CNTN4: variants seen among roughly 807,000 people sequenced by gnomAD.
CNTN4 encodes contactin 4, also known as contactin-4.
A neutral mutation model predicts 122.5 loss-of-function variants in CNTN4; 77 were observed. The observed-to-expected ratio is 0.63, with a 90% CI of 0.52 to 0.76. The LOEUF is 0.76. Among genes scored for constraint, CNTN4 ranks in the 30% least tolerant of loss-of-function variants. The pLI, the probability that CNTN4 is intolerant of heterozygous loss-of-function variation, is 0.00. For synonymous variants in CNTN4, 512 were observed against 447.0 expected, an observed-to-expected ratio of 1.15 and a Z score of -1.83; for missense variants, 1,256 against 1,259.1, an observed-to-expected ratio of 1.00 and a Z score of 0.04.
chr3:2,463,848 T>A (rs2075404453), intron 3 of CNTN4, among the ~76,000 whole-genome samples: 1 of 152,224 alleles, frequency 6.6e-6, no homozygotes, highest in African/African-American at 2.4e-5. Context: ...TTGTGTCTGG[T>A]ACTACGGTAT....
chr3:2,430,486 G>A (rs2048026860), intron 3 of CNTN4, among the ~76,000 whole-genome samples: 1 of 150,958 alleles, frequency 6.6e-6, no homozygotes, highest in Admixed American at 6.6e-5. Context: ...TACACTGGGA[G>A]CTGTAGGCTG....
intron 7 of CNTN4, among the ~76,000 whole-genome samples, chr3:2,851,266 CT>C (rs2093545800): frequency 6.6e-6 from 1 of 152,190 alleles, no homozygotes; most frequent in African/African-American, 2.4e-5. Context: ...ATTTGACAGA[CT>C]TTTGCATTTT....
intron 6 of CNTN4, among the ~76,000 whole-genome samples, chr3:2,800,015 A>G (rs1029884969): frequency 3.4e-5 from 5 of 148,408 alleles, no homozygotes; most frequent in Non-Finnish European, 7.4e-5. Flanking sequence ...TACCAGTTCC[A>G]TGCTGTTTTG....
intron 2 of CNTN4, among the ~76,000 whole-genome samples, chr3:2,215,348 T>G (rs1007529506): frequency 6.6e-6 from 1 of 152,240 alleles, no homozygotes; most frequent in Non-Finnish European, 1.5e-5. Context: ...CACTATTTTC[T>G]GACTGCACCA....
intron 4 of CNTN4, among the ~76,000 whole-genome samples, chr3:2,664,684 T>A (rs1243208209): frequency 1.3e-5 from 2 of 152,136 alleles, no homozygotes; most frequent in East Asian, 1.9e-4. Flanking sequence ...ACATCTGAGG[T>A]ATTCTCCAGG....
At chr3:2,812,057 C>G (rs1044830913) in intron 6 of CNTN4, among the ~76,000 whole-genome samples, 2 of 152,132 alleles carry the variant, frequency 1.3e-5, no homozygotes, top group African/African-American at 2.4e-5. Flanking sequence ...TCCTCACTTA[C>G]AAGTCGGAGC....
intron 6 of CNTN4, among the ~76,000 whole-genome samples, chr3:2,815,164 G>A (rs550650593): frequency 6.6e-6 from 1 of 152,284 alleles, no homozygotes; most frequent in South Asian, 2.1e-4. Flanking sequence ...AACCCTTCTG[G>A]ACATTGGCTT....
At chr3:2,138,407 G>A (rs1022047082) in intron 2 of CNTN4, among the ~76,000 whole-genome samples, 3 of 152,128 alleles carry the variant, frequency 2.0e-5, no homozygotes, top group Non-Finnish European at 4.4e-5. Context: ...CTAAAAACAG[G>A]AAGAAGTTTC....
At chr3:2,718,050 G>C (rs1462970920) in intron 4 of CNTN4, among the ~76,000 whole-genome samples, 1 of 151,722 alleles carries the variant, frequency 6.6e-6, no homozygotes, top group African/African-American at 2.4e-5. Context: ...CTTTTCATAT[G>C]TTGAATACTA....
intron 13 of CNTN4, among the ~76,000 whole-genome samples, chr3:2,960,912 C>T (rs914905192): frequency 1.3e-5 from 2 of 152,106 alleles, no homozygotes; most frequent in Admixed American, 6.5e-5. Flanking sequence ...CTTTTCAAAT[C>T]GTTTCGCTAC....
At chr3:2,889,674 C>G (rs1043400421) in intron 10 of CNTN4, among the ~76,000 whole-genome samples, 1 of 152,140 alleles carries the variant, frequency 6.6e-6, no homozygotes, top group Admixed American at 6.5e-5. Flanking sequence ...CTCTTCAGTT[C>G]AGTGGTGGCT....
chr3:2,450,771 C>T (rs2048800239), intron 3 of CNTN4, among the ~76,000 whole-genome samples: 1 of 152,104 alleles, frequency 6.6e-6, no homozygotes, highest in East Asian at 1.9e-4. Context: ...ATAACTTGTC[C>T]CCAAGAAGAG....
At chr3:2,332,174 T>TATCCTAATCCTA (rs1322197794) in intron 2 of CNTN4, among the ~76,000 whole-genome samples, 1 of 152,172 alleles carries the variant, frequency 6.6e-6, no homozygotes, top group East Asian at 1.9e-4. Flanking sequence ...GATAGTAACT[T>TATCCTAATCCTA]ATGGGCCACA....
intron 2 of CNTN4, among the ~76,000 whole-genome samples, chr3:2,165,279 C>T (rs925888155): frequency 7.3e-5 from 11 of 151,258 alleles, no homozygotes; most frequent in African/African-American, 2.4e-4. Flanking sequence ...GCTGAGATCG[C>T]GCCATTGCAC....
At chr3:2,605,145 C>T (rs1374187625) in intron 4 of CNTN4, among the ~76,000 whole-genome samples, 1 of 152,176 alleles carries the variant, frequency 6.6e-6, no homozygotes, top group South Asian at 2.1e-4. Context: ...GCTAGGACTC[C>T]AGGCATGCAC....
chr3:2,122,342 T>G (rs76669979), intron 2 of CNTN4, among the ~76,000 whole-genome samples: 38,674 of 152,008 alleles, frequency 0.25, 5,622 homozygotes, highest in Admixed American at 0.35. Flanking sequence ...TGGGCACATA[T>G]AACTGATTTT....
At chr3:2,571,128 T>C (rs1486675168) in intron 3 of CNTN4, among the ~76,000 whole-genome samples, 3 of 152,184 alleles carry the variant, frequency 2.0e-5, no homozygotes, top group Non-Finnish European at 4.4e-5. Flanking sequence ...CAAAGCATAG[T>C]GCATTCCCCT....
At chr3:2,853,053 A>G (rs1333050489) in intron 7 of CNTN4, among the ~76,000 whole-genome samples, 1 of 152,206 alleles carries the variant, frequency 6.6e-6, no homozygotes, top group African/African-American at 2.4e-5. Context: ...AGTGGGGCTT[A>G]GGAACAATGG....
At chr3:2,735,918 C>T (rs748333120) in intron 4 of CNTN4, 7 of 529,840 alleles carry the variant, frequency 1.3e-5, no homozygotes, top group South Asian at 8.8e-5. Flanking sequence ...AGGCTAAAGA[C>T]AAGCAGAACA....
Sources: allele counts gnomAD v4.1 joint callset (sites outside exome capture counted in the v4.1 genomes callset), GRCh38; gene constraint gnomAD v4.1.1; transcripts MANE v1.5; gene names NCBI Gene and HGNC (gene_info 2026-07-23, HGNC 2026-07-21).